Variants in WDR64 observed in about 807,000 individuals in gnomAD.
WDR64 encodes WD repeat domain 64.
In WDR64, 112 loss-of-function variants were observed where a neutral mutation model predicts 139.3. The ratio of observed to expected loss-of-function variants is 0.80; its 90% CI spans 0.69 to 0.94. The LOEUF is 0.94. Ranked by LOEUF, WDR64 falls within the 40% of genes least tolerant of loss-of-function variation. The probability of loss-of-function intolerance (pLI) is 0.00; values close to 1 mark genes in which losing one functional copy is unlikely to be tolerated. For synonymous variants in WDR64, 444 were observed against 437.7 expected (o/e 1.01, Z -0.18); for missense variants, 1,206 against 1,293.1 (o/e 0.93, Z 1.03).
chr1:241,802,106 T>C lies in WDR64; in HGVS notation c.*891T>C, dbSNP rs2148339821. 1 of 397,920 alleles carries C rather than the reference T, an allele frequency of 2.5e-6. No individual in the cohort carries two copies. Among genetic ancestry groups the C allele is most frequent in the African/African-American group, 2.1e-5 (1 of 48,674 alleles). The allele number at this position is 397,920 out of a possible 1,614,324, so 24.6% of individuals were successfully genotyped here. On this transcript the variant is annotated 3_prime_UTR_variant, in exon 28 of 28. Transcript: ENST00000437684. ...AATAAACAAGAATCTTTATAAAAGT[T>C]TTATAAAGTTATTAATAATAACTCA... is the stretch of plus-strand genomic sequence containing the variant.
At chr1:241,708,457 G>A (rs531874124) in intron 8 of WDR64, among the ~76,000 whole-genome samples, 1 of 152,086 alleles carries the variant, frequency 6.6e-6, no homozygotes, top group Admixed American at 6.5e-5. Context: ...GGGATGACAC[G>A]CATACACCAC....
chr1:241,779,918 T>C, intron 21 of WDR64, 86 bp from the exon 22 acceptor site: 1 of 957,634 alleles, frequency 1.0e-6, no homozygotes. Flanking sequence ...GCATTATAAA[T>C]ACCTAAATCA....
At chr1:241,673,883 T>C (rs1319213784) in intron 3 of WDR64, among the ~76,000 whole-genome samples, 1 of 152,212 alleles carries the variant, frequency 6.6e-6, no homozygotes, top group Admixed American at 6.5e-5. Flanking sequence ...TTTCATTCTT[T>C]TATATTGAAA....
chr1:241,681,319 T>C (rs964341421), intron 6 of WDR64, among the ~76,000 whole-genome samples: 6 of 152,198 alleles, frequency 3.9e-5, no homozygotes, highest in Non-Finnish European at 7.3e-5. Context: ...GTCATTTTTA[T>C]GCCTTTGCAT....
chr1:241,778,303 A>G (rs1454699939), intron 21 of WDR64, among the ~76,000 whole-genome samples: 2 of 152,210 alleles, frequency 1.3e-5, no homozygotes, highest in African/African-American at 4.8e-5. Flanking sequence ...CTCTGTCTGA[A>G]ATTAATACAG....
chr1:241,795,716 A>C (rs1315482445), intron 26 of WDR64, among the ~76,000 whole-genome samples: 1 of 152,050 alleles, frequency 6.6e-6, no homozygotes, highest in African/African-American at 2.4e-5. Context: ...CCCTGCCCAG[A>C]ATTCATTCAT....
chr1:241,660,001 G>A (rs1665760666), intron 1 of WDR64, among the ~76,000 whole-genome samples: 1 of 152,116 alleles, frequency 6.6e-6, no homozygotes, highest in Non-Finnish European at 1.5e-5. Flanking sequence ...GTCCTGAATG[G>A]AATTGCCTAG....
At chr1:241,655,160 G>A (rs747342424) in intron 1 of WDR64, among the ~76,000 whole-genome samples, 7 of 152,072 alleles carry the variant, frequency 4.6e-5, no homozygotes, top group East Asian at 1.9e-4. Flanking sequence ...CAAGGTGGGC[G>A]GATCACGAAG....
chr1:241,723,369 T>G lies in WDR64; in HGVS notation c.1127T>G (p.Met376Arg). The G allele has an allele frequency of 6.2e-7, 1 of 1,614,024 alleles. No homozygotes were observed. Among genetic ancestry groups the G allele is most frequent in the Non-Finnish European group, 8.5e-7 (1 of 1,179,952 alleles). The change falls in exon 10 of 28, where the codon ATG (methionine) becomes AGG (arginine). Residue 376 changes from methionine to arginine, a missense_variant. By Grantham distance (91) the Met-to-Arg change is moderately conservative. Coordinates refer to ENST00000437684, the MANE Select transcript of WDR64 (RefSeq NM_001367482.1). ...CCAGTAGGGAAACTTGTAGGACACA[T>G]GTTCAGTATCGCCGAGATCGTAACC... The part of the protein sequence containing the change: ...TKPVGKLVGH[M>R]FSIAEIVTNE...
intron 1 of WDR64, among the ~76,000 whole-genome samples, chr1:241,654,714 A>G (rs946431961): frequency 3.3e-5 from 5 of 152,218 alleles, no homozygotes; most frequent in African/African-American, 9.6e-5. Context: ...TCCAAAATCT[A>G]AAATGCTCCA....
At chr1:241,759,808 A>G (rs1157539220) in intron 15 of WDR64, among the ~76,000 whole-genome samples, 1 of 152,170 alleles carries the variant, frequency 6.6e-6, no homozygotes, top group Non-Finnish European at 1.5e-5. Context: ...CACAACCTTC[A>G]TCACCATCCA....
At chr1:241,750,241 TG>T (rs1669929149) in intron 14 of WDR64, among the ~76,000 whole-genome samples, 1 of 152,218 alleles carries the variant, frequency 6.6e-6, no homozygotes, top group African/African-American at 2.4e-5. Flanking sequence ...TATTACCACC[TG>T]GGAATGCTAA....
At chr1:241,705,559 A>AAATAATAATAAT (rs71174832) in intron 8 of WDR64, among the ~76,000 whole-genome samples, 149 of 136,652 alleles carry the variant, frequency 1.1e-3, no homozygotes, top group East Asian at 2.3e-3. Context: ...ATAAATAAAT[A>AAATAATAATAAT]AATAATAATA....
intron 1 of WDR64, among the ~76,000 whole-genome samples, chr1:241,655,384 G>GTCCCCCCTC (rs1213547499): frequency 6.6e-6 from 1 of 152,056 alleles, no homozygotes. Context: ...GAGAGACTCT[G>GTCCCCCCTC]TCCCCCCTCA....
chr1:241,654,736 T>G (rs1370187516), intron 1 of WDR64, among the ~76,000 whole-genome samples: 1 of 152,206 alleles, frequency 6.6e-6, no homozygotes, highest in Admixed American at 6.5e-5. Flanking sequence ...AATTCAAAAC[T>G]TTTTGAGAGC....
At chr1:241,695,705 C>G (rs1233538809) in intron 8 of WDR64, among the ~76,000 whole-genome samples, 7 of 152,130 alleles carry the variant, frequency 4.6e-5, no homozygotes, top group Admixed American at 4.6e-4. Context: ...AATAAACATA[C>G]CAAGTCTGCA....
chr1:241,690,484 A>G (rs1419882892), intron 8 of WDR64, among the ~76,000 whole-genome samples: 1 of 151,960 alleles, frequency 6.6e-6, no homozygotes, highest in Non-Finnish European at 1.5e-5. Context: ...AAAAACAAAA[A>G]CTTGAAATGA....
At chr1:241,744,579 C>T (rs958147994) in intron 13 of WDR64, 63 bp downstream of exon 13, 40 of 1,599,036 alleles carry the variant, frequency 2.5e-5, no homozygotes, top group South Asian at 3.4e-5. Flanking sequence ...CCGCCAAAAA[C>T]TCTTTCGTTC....
chr1:241,694,299 T>A (rs1365384728), intron 8 of WDR64, among the ~76,000 whole-genome samples: 1 of 152,208 alleles, frequency 6.6e-6, no homozygotes, highest in African/African-American at 2.4e-5. Context: ...TCATGAAAGA[T>A]ACTTTTTTTT....
Sources: gnomAD v4.1 joint callset for allele counts (sites outside exome capture counted in the v4.1 genomes callset) on GRCh38, gnomAD v4.1.1 for gene constraint, MANE v1.5 for transcripts, NCBI Gene and HGNC (gene_info 2026-07-23, HGNC 2026-07-21) for gene names.